ZNF423: variants seen among roughly 807,000 people sequenced by gnomAD.
The protein encoded by ZNF423 is zinc finger protein 423, also known as Ebf-associated zinc finger protein.
In ZNF423, 12 loss-of-function variants were observed where a neutral mutation model predicts 95.8. That is an observed-to-expected ratio of 0.13 (90% confidence interval 0.08 to 0.20). The LOEUF (loss-of-function observed/expected upper bound fraction) is 0.20. ZNF423 is among the 10% of genes least tolerant of loss of function. The probability of loss-of-function intolerance (pLI) is 1.00; values close to 1 mark genes in which losing one functional copy is unlikely to be tolerated. For missense variants in ZNF423, 1,316 were observed against 1,737.1 expected, an observed-to-expected ratio of 0.76 and a Z score of 4.31; for synonymous variants, 749 against 711.9, an observed-to-expected ratio of 1.05 and a Z score of -0.83.
chr16:49,845,292 A>G (rs963362003), intron 1 of ZNF423, among the ~76,000 whole-genome samples: 5 of 151,338 alleles, frequency 3.3e-5, no homozygotes, highest in African/African-American at 1.2e-4. Flanking sequence ...TTTAGTGGAG[A>G]CAGGGTTTCA....
chr16:49,770,897 C>G (rs986405466), intron 2 of ZNF423, among the ~76,000 whole-genome samples: 61 of 152,326 alleles, frequency 4.0e-4, no homozygotes, highest in African/African-American at 1.3e-3. Context: ...CCCACAGGAG[C>G]CTCCCCACGG....
At chr16:49,807,783 T>G (rs1030577335) in intron 1 of ZNF423, among the ~76,000 whole-genome samples, 1 of 152,138 alleles carries the variant, frequency 6.6e-6, no homozygotes, top group East Asian at 1.9e-4. Flanking sequence ...AAACCTTCAC[T>G]AAGCATGCCA....
intron 2 of ZNF423, among the ~76,000 whole-genome samples, chr16:49,747,039 CAG>C (rs761835143): frequency 2.0e-5 from 3 of 152,128 alleles, no homozygotes; most frequent in Non-Finnish European, 4.4e-5. Flanking sequence ...AGCGGGCAGA[CAG>C]AGATCGGGGG....
intron 4 of ZNF423, among the ~76,000 whole-genome samples, chr16:49,634,186 G>A (rs1254853463): frequency 1.4e-5 from 2 of 145,882 alleles, no homozygotes; most frequent in Non-Finnish European, 3.0e-5. Context: ...GATTACAGGC[G>A]TGAGCCACCA....
intron 2 of ZNF423, among the ~76,000 whole-genome samples, chr16:49,736,607 C>A (rs1476731166): frequency 1.3e-5 from 2 of 152,158 alleles, no homozygotes; most frequent in Non-Finnish European, 2.9e-5. Context: ...CCAGCCCAGG[C>A]AACACAGTGA....
At chr16:49,819,989 G>C (rs2034915270) in intron 1 of ZNF423, among the ~76,000 whole-genome samples, 1 of 152,096 alleles carries the variant, frequency 6.6e-6, no homozygotes, top group East Asian at 1.9e-4. Flanking sequence ...GATGTTTGTA[G>C]GTTAGGAGTA....
At chr16:49,578,574 C>T (rs187180960) in intron 5 of ZNF423, among the ~76,000 whole-genome samples, 18 of 152,312 alleles carry the variant, frequency 1.2e-4, no homozygotes, top group African/African-American at 4.1e-4. Context: ...CCTCGCCTCT[C>T]GCCCTCTCCT....
At chr16:49,610,292 T>C (rs1033330002) in intron 5 of ZNF423, among the ~76,000 whole-genome samples, 1 of 152,184 alleles carries the variant, frequency 6.6e-6, no homozygotes, top group African/African-American at 2.4e-5. Context: ...TCCCCTTCTC[T>C]TCTTGAGTTT....
At chr16:49,518,768 C>T (rs2151696708) in intron 7 of ZNF423, among the ~76,000 whole-genome samples, 1 of 152,304 alleles carries the variant, frequency 6.6e-6, no homozygotes. Context: ...GAGATTTATC[C>T]ATGGCACCAG....
chr16:49,511,556 G>A (rs1967895825), intron 7 of ZNF423, among the ~76,000 whole-genome samples: 1 of 152,224 alleles, frequency 6.6e-6, no homozygotes, highest in African/African-American at 2.4e-5. Context: ...TTACAGTCAG[G>A]TTCCCAGTAA....
At chr16:49,854,235 T>A (rs2035332006) in intron 1 of ZNF423, 1 of 985,212 alleles carries the variant, frequency 1.0e-6, no homozygotes, top group Non-Finnish European at 1.2e-6. Context: ...CCAACTTCTC[T>A]CAGGGAAAAG....
chr16:49,590,017 G>C (rs1448352360), intron 5 of ZNF423, among the ~76,000 whole-genome samples: 2 of 105,282 alleles, frequency 1.9e-5, no homozygotes, highest in South Asian at 4.4e-4. Flanking sequence ...ATGGGGTAAA[G>C]GGGAAGTGGC....
At chr16:49,731,871 T>G (rs996904070) in intron 2 of ZNF423, among the ~76,000 whole-genome samples, 1 of 152,142 alleles carries the variant, frequency 6.6e-6, no homozygotes, top group Non-Finnish European at 1.5e-5. Context: ...TTAGAATCAG[T>G]CGTGGAATGA....
chr16:49,711,375 G>A (rs2032538502), intron 3 of ZNF423: 1 of 152,172 alleles, frequency 6.6e-6, no homozygotes, highest in South Asian at 2.1e-4. Flanking sequence ...CTAATAAGAA[G>A]TAGGGAGATG....
chr16:49,636,457 C>T lies in ZNF423; in HGVS notation c.2719G>A (p.Val907Met), dbSNP rs1279629000. The T allele has an allele frequency of 6.2e-7, 1 of 1,613,560 alleles. No homozygotes were observed. The highest frequency in any genetic ancestry group is 8.5e-7 in the Non-Finnish European group (1 of 1,180,020). Residue 907 changes from valine (V) to methionine (M), a missense_variant, in exon 4 of 8, where the codon GTG (valine) becomes ATG (methionine). Around this residue, in one of 6 missense-constraint regions of ZNF423, gnomAD observed 620 missense variants for 775.6 expected, o/e 0.80. Transcript: ENST00000563137. This position sits in a 1 kb window ranked among gnomAD's most constrained non-coding sequence, Gnocchi z 8.6. ...DICGAAYTME[V>M]LLQNHRLRDH... Reference sequence around the variant, plus strand: ...CGCAGCCGGTGATTCTGCAGCAGCACCTCCATGGTGTAGGCCGCCCCACAG... The same window carrying T: ...CGCAGCCGGTGATTCTGCAGCAGCATCTCCATGGTGTAGGCCGCCCCACAG...
chr16:49,632,187 A>T (rs1280736006), intron 4 of ZNF423, among the ~76,000 whole-genome samples: 2 of 152,014 alleles, frequency 1.3e-5, no homozygotes, highest in Non-Finnish European at 2.9e-5. Context: ...CCATAAACAG[A>T]GGGGGAGGTG....
At chr16:49,561,724 T>C (rs548309607) in intron 5 of ZNF423, among the ~76,000 whole-genome samples, 1 of 152,358 alleles carries the variant, frequency 6.6e-6, no homozygotes, top group Non-Finnish European at 1.5e-5. Context: ...TTCAGGTGCA[T>C]TAAGTGCGGT....
chr16:49,508,510 T>C (rs1319204402), intron 7 of ZNF423, among the ~76,000 whole-genome samples: 1 of 101,872 alleles, frequency 9.8e-6, no homozygotes, highest in African/African-American at 4.5e-5. Context: ...AGATTCTCTT[T>C]CTTAAAAAAA....
At chr16:49,845,632 C>G (rs7192487) in intron 1 of ZNF423, among the ~76,000 whole-genome samples, 341 of 152,134 alleles carry the variant, frequency 2.2e-3, no homozygotes, top group African/African-American at 7.3e-3. Context: ...CCTCAACCTT[C>G]CGGGCTCAGG....
Sources: gnomAD v4.1 joint callset for allele counts (sites outside exome capture counted in the v4.1 genomes callset) on GRCh38, gnomAD v4.1.1 for gene constraint, gnomAD v4.1.1 regional missense constraint, Gnocchi (gnomAD v3.1) non-coding constraint, MANE v1.5 for transcripts, NCBI Gene and HGNC (gene_info 2026-07-23, HGNC 2026-07-21) for gene names.